The following F8 variants were observed in gnomAD, a reference collection of about 807,000 sequenced individuals.
F8 encodes coagulation factor VIII, also known as antihemophilic factor.
In F8, 12 loss-of-function variants were observed where a neutral mutation model predicts 140.6. The observed-to-expected ratio is 0.09, with a 90% CI of 0.05 to 0.14. The LOEUF (loss-of-function observed/expected upper bound fraction) is 0.14, where lower values mean the gene tolerates loss of function less well. Among genes scored for constraint, F8 ranks in the 10% least tolerant of loss-of-function variants. The probability of loss-of-function intolerance (pLI) is 1.00; values close to 1 mark genes in which losing one functional copy is unlikely to be tolerated. For missense variants in F8, 1,354 were observed against 1,720.7 expected (o/e 0.79, Z 3.77); for synonymous variants, 585 against 614.6 (o/e 0.95, Z 0.71).
rs782165639 is a variant in F8, at chrX:154,993,246, C to T, written c.389-98G>A. ...TCACCAATAGGTTCTACATAAGAAA[C>T]GGACTTTCTGCATCTTTGTTGTTGT... On this transcript the variant is annotated intron_variant, in intron 3 of 25. Transcript: ENST00000360256. 560 of 712,086 alleles carry T rather than the reference C, an allele frequency of 7.9e-4. 1 individual carries two copies. The highest frequency in any genetic ancestry group is 2.3e-3 in the South Asian group (88 of 38,991). 58.7% of individuals were successfully genotyped at this position (712,086 alleles called of 1,213,427 possible).
intron 25 of F8, among the ~76,000 whole-genome samples, chrX:154,853,484 T>C (rs1326547699): frequency 8.9e-6 from 1 of 111,822 alleles, no homozygotes; most frequent in Non-Finnish European, 1.9e-5. Flanking sequence ...TGTCTTGTTG[T>C]CTTGCATGTT....
At chrX:154,946,106 G>T (rs1189512343) in intron 13 of F8, among the ~76,000 whole-genome samples, 1 of 111,586 alleles carries the variant, frequency 9.0e-6, no homozygotes, top group African/African-American at 3.3e-5. Context: ...AACTGAAAAG[G>T]TATCTATCCC....
At chrX:155,002,888 T>C (rs1557285730) in intron 1 of F8, among the ~76,000 whole-genome samples, 1 of 112,129 alleles carries the variant, frequency 8.9e-6, no homozygotes, top group African/African-American at 3.2e-5. Flanking sequence ...GCCATCCTAA[T>C]GGGTGTGAGG....
rs1557275924 is a variant in F8 at position 154,901,450 on chromosome X, G to A, written c.6116-8C>T. The A allele has an allele frequency of 1.8e-6, 2 of 1,135,580 alleles. No homozygotes were observed. The highest frequency in any genetic ancestry group is 2.4e-6 in the Non-Finnish European group (2 of 825,841). 93.6% of individuals were successfully genotyped at this position (1,135,580 alleles called of 1,213,427 possible). On this transcript the variant is annotated splice_polypyrimidine_tract_variant and splice_region_variant and intron_variant, in intron 19 of 25. Transcript: ENST00000360256. Reference sequence around the variant, plus strand: ...CCAGGGGAGTCTGACACTCTGAAATGAAACGGGTGGAACACAGTAACTAGA... The same window carrying A: ...CCAGGGGAGTCTGACACTCTGAAATAAAACGGGTGGAACACAGTAACTAGA...
intron 1 of F8, among the ~76,000 whole-genome samples, chrX:155,006,201 G>T (rs1557286066): frequency 9.4e-6 from 1 of 106,502 alleles, no homozygotes; most frequent in Non-Finnish European, 1.9e-5. Context: ...TGGAAACGCT[G>T]CCACACAATC....
At chrX:154,879,217 C>T (rs1218824907) in intron 22 of F8, among the ~76,000 whole-genome samples, 4 of 112,016 alleles carry the variant, frequency 3.6e-5, no homozygotes, top group African/African-American at 1.3e-4. Context: ...AGCTGGATAA[C>T]TCACATTTCC....
At chrX:154,858,460 C>T (rs1603431429) in intron 25 of F8, among the ~76,000 whole-genome samples, 1 of 112,578 alleles carries the variant, frequency 8.9e-6, no homozygotes, top group East Asian at 2.8e-4. Flanking sequence ...GCGTTTTGTC[C>T]TTCCTGGAAG....
chrX:155,010,153 C>T (rs1557286460), intron 1 of F8, among the ~76,000 whole-genome samples: 2 of 112,173 alleles, frequency 1.8e-5, no homozygotes, highest in Non-Finnish European at 3.8e-5. Context: ...GATTTATTTG[C>T]CTGTCTCACT....
chrX:155,004,139 C>T (rs950123004), intron 1 of F8, among the ~76,000 whole-genome samples: 4 of 110,702 alleles, frequency 3.6e-5, no homozygotes, highest in East Asian at 2.8e-4. Context: ...CATCCAACTT[C>T]GCCTCAGAAA....
intron 14 of F8, among the ~76,000 whole-genome samples, chrX:154,917,827 T>TCA (rs2073106095): frequency 8.9e-6 from 1 of 111,887 alleles, no homozygotes; most frequent in South Asian, 3.7e-4. Context: ...CATAAATTTC[T>TCA]CAGTTGCTTT....
At chrX:154,849,134 C>T (rs782582758) in intron 25 of F8, among the ~76,000 whole-genome samples, 21 of 110,290 alleles carry the variant, frequency 1.9e-4, no homozygotes, top group Admixed American at 1.6e-3. Context: ...CCACCACACC[C>T]GGCTAATTTT....
intron 25 of F8, among the ~76,000 whole-genome samples, chrX:154,848,999 T>C (rs1367329205): frequency 8.9e-6 from 1 of 111,815 alleles, no homozygotes; most frequent in Non-Finnish European, 1.9e-5. Context: ...TTGTGAATCA[T>C]GTTAATTGTT....
At chrX:155,018,283 A>G (rs781868507) in intron 1 of F8, among the ~76,000 whole-genome samples, 16 of 112,407 alleles carry the variant, frequency 1.4e-4, no homozygotes, top group South Asian at 1.1e-3. Context: ...TAATAAAGGT[A>G]TATGGAGCTA....
Position 155,019,943 on chromosome X carries a change from T to C in F8, c.143+2467A>G, listed in dbSNP as rs781970451. Among the ~76,000 whole-genome samples, 15 of 112,418 alleles carry C rather than the reference T, an allele frequency of 1.3e-4. No individual in the cohort carries two copies. The Admixed American group carries it at 1.4e-3, about 11-fold the overall frequency. ...AGATAAATGTAATAAGAAAAATATT[T>C]AAATTTATTACATTAATAAAATTAA... On this transcript the variant is annotated intron_variant, in intron 1 of 25. Transcript: ENST00000360256.
At position 154,999,492 on chromosome X, in the gene F8, C is replaced by T; in HGVS notation, c.252G>A (p.Arg84=). The change falls in exon 2 of 26, where the codon AGG becomes AGA. Residue 84 remains arginine (R), a synonymous_variant. Transcript: ENST00000360256. ...TDHLFNIAKP[R]PPWMGLLGPT... The stretch of plus-strand genomic sequence containing the variant: ...TGTTTTCATTACCCATCCAGGGTGG[C>T]CTTGGCTTAGCGATGTTGAAAAGGT... 2 of 1,207,444 alleles carry T rather than the reference C, an allele frequency of 1.7e-6. No individual in the cohort carries two copies. The highest frequency in any genetic ancestry group is 2.2e-6 in the Non-Finnish European group (2 of 892,640).
intron 17 of F8, 83 bp downstream of exon 17, chrX:154,904,213 G>C (rs1173950204): frequency 2.7e-6 from 3 of 1,096,552 alleles, no homozygotes; most frequent in South Asian, 3.7e-5. Context: ...TAAATACAAT[G>C]TTCAAGTCCC....
chrX:154,975,056 T>C (rs1218325607), intron 6 of F8, among the ~76,000 whole-genome samples: 1 of 111,953 alleles, frequency 8.9e-6, no homozygotes, highest in Non-Finnish European at 1.9e-5. Flanking sequence ...ACTGATCTTT[T>C]GTATTTTTTA....
intron 22 of F8, among the ~76,000 whole-genome samples, chrX:154,864,571 T>A (rs1470288174): frequency 8.9e-6 from 1 of 112,271 alleles, no homozygotes; most frequent in Non-Finnish European, 1.9e-5. Context: ...GGAAGACGAC[T>A]AACAAAATGA....
At chrX:154,900,700 T>TA (rs1292234457) in intron 20 of F8, among the ~76,000 whole-genome samples, 1 of 112,236 alleles carries the variant, frequency 8.9e-6, no homozygotes, top group Admixed American at 9.5e-5. Context: ...GATTTTTTTT[T>TA]ACCTCACAAC....
Sources: gnomAD v4.1 joint callset for allele counts (sites outside exome capture counted in the v4.1 genomes callset) on GRCh38, gnomAD v4.1.1 for gene constraint, MANE v1.5 for transcripts, NCBI Gene and HGNC (gene_info 2026-07-23, HGNC 2026-07-21) for gene names.